The following GLMN variants were observed in gnomAD, a reference collection of about 807,000 sequenced individuals.
GLMN encodes glomulin.
In GLMN, 75 loss-of-function variants were observed where a neutral mutation model predicts 87.8. That is an observed-to-expected ratio of 0.85 (90% confidence interval 0.71 to 1.04). GLMN has a LOEUF of 1.04. Among genes scored for constraint, GLMN ranks in the 50% least tolerant of loss-of-function variants. The pLI is 0.00. For synonymous variants in GLMN, 206 were observed against 221.6 expected (o/e 0.93, Z 0.63); for missense variants, 588 against 658.8 (o/e 0.89, Z 1.18).
the GLMN span, among the ~76,000 whole-genome samples, chr1:92,353,291 C>T: frequency 6.6e-6 from 1 of 152,120 alleles, no homozygotes; most frequent in African/African-American, 2.4e-5. Context: ...GTGGTTGTAT[C>T]ATTTTACATT....
intron 2 of GLMN, 129 bp from the exon 3 acceptor site, chr1:92,297,658 T>C (rs1204983781): frequency 1.5e-5 from 12 of 817,594 alleles, no homozygotes; most frequent in Admixed American, 5.1e-5. Context: ...AAATGTAACG[T>C]AAATAACACA....
At chr1:92,307,039 G>T in the GLMN span, 8 of 591,462 alleles carry the variant, frequency 1.4e-5, no homozygotes, top group South Asian at 1.8e-4. Context: ...GGCCTTCAAA[G>T]GTTCAGTATC....
chr1:92,246,916 A>G (rs533659666), intron 18 of GLMN, 146 bp downstream of exon 18: 374 of 711,632 alleles, frequency 5.3e-4, no homozygotes, highest in Non-Finnish European at 8.0e-4. Flanking sequence ...CTGGCTAATC[A>G]GGAATCTGAG....
At chr1:92,305,747 G>A in the GLMN span, among the ~76,000 whole-genome samples, 2 of 152,254 alleles carry the variant, frequency 1.3e-5, no homozygotes, top group South Asian at 2.1e-4. Context: ...AATATTATCA[G>A]TAATCAGAGA....
rs909548615 is a variant in GLMN at position 92,271,547 on chromosome 1, G to A, written c.841C>T (p.Gln281Ter). Residue 281 changes from glutamine (Q) to a stop codon, truncating the protein, a stop_gained, in exon 8 of 19, where the codon CAG (glutamine) becomes TAG (stop). Transcript: ENST00000370360. LOFTEE classifies it high-confidence loss of function. ...AGAGAAGCCATTGAGTCTGCTAACT[G>A]TTTATTTTCTTCTTCTTCAAATTCA... Reference protein sequence around the residue: ...YLEFEEEENKQLADSMASLAY... With the variant: ...YLEFEEEENK 6.2e-7 allele frequency: 1 copy of A among 1,611,664 alleles called. No individual in the cohort carries two copies. The highest frequency in any genetic ancestry group is 1.7e-5 in the Admixed American group (1 of 59,952).
At chr1:92,266,096 A>G (rs1655604393) in intron 13 of GLMN, among the ~76,000 whole-genome samples, 1 of 152,230 alleles carries the variant, frequency 6.6e-6, no homozygotes, top group South Asian at 2.1e-4. Context: ...AATGGAGATT[A>G]GTGACATACA....
chr1:92,364,285 G>A, the GLMN span, among the ~76,000 whole-genome samples: 1 of 152,130 alleles, frequency 6.6e-6, no homozygotes, highest in African/African-American at 2.4e-5. Flanking sequence ...ATCTCAGGGT[G>A]TAGGTTTTGC....
intron 8 of GLMN, among the ~76,000 whole-genome samples, chr1:92,270,030 A>C (rs1249821564): frequency 2.0e-5 from 3 of 152,212 alleles, no homozygotes; most frequent in Admixed American, 2.0e-4. Flanking sequence ...GGAGACAGAC[A>C]CAAGCACACA....
chr1:92,368,046 G>A, the GLMN span, among the ~76,000 whole-genome samples: 1 of 152,144 alleles, frequency 6.6e-6, no homozygotes, highest in Non-Finnish European at 1.5e-5. Context: ...TCAGATTGTG[G>A]AGCTACAATA....
chr1:92,262,053 T>G (rs2391139), intron 16 of GLMN, among the ~76,000 whole-genome samples: 130,967 of 152,106 alleles, frequency 0.86, 56,836 homozygotes, highest in East Asian at 1. Context: ...TGAACGGGGG[T>G]TCAAATCACT....
At chr1:92,338,197 T>C in the GLMN span, among the ~76,000 whole-genome samples, 1 of 152,152 alleles carries the variant, frequency 6.6e-6, no homozygotes, top group Non-Finnish European at 1.5e-5. Flanking sequence ...GTTTAGGTAA[T>C]GATAAACTGA....
At chr1:92,294,123 C>G (rs1649756101) in intron 3 of GLMN, among the ~76,000 whole-genome samples, 1 of 152,026 alleles carries the variant, frequency 6.6e-6, no homozygotes, top group South Asian at 2.1e-4. Flanking sequence ...GTTTGTAACA[C>G]AGAGGATAAA....
chr1:92,347,514 A>G, the GLMN span, among the ~76,000 whole-genome samples: 29 of 152,210 alleles, frequency 1.9e-4, no homozygotes, highest in Admixed American at 6.5e-5. Flanking sequence ...TACTGAAAGT[A>G]TTATCATCAT....
chr1:92,283,401 C>CT (rs1179658619), intron 7 of GLMN, among the ~76,000 whole-genome samples: 2 of 152,138 alleles, frequency 1.3e-5, no homozygotes, highest in East Asian at 3.9e-4. Context: ...CAGAAAAGGC[C>CT]TTGGATAAAA....
At chr1:92,251,815 T>C (rs1653548183) in intron 16 of GLMN, among the ~76,000 whole-genome samples, 1 of 150,166 alleles carries the variant, frequency 6.7e-6, no homozygotes, top group African/African-American at 2.5e-5. Context: ...TTTTTTAAGA[T>C]GGTGTCTTCT....
the GLMN span, among the ~76,000 whole-genome samples, chr1:92,357,098 C>A: frequency 4.0e-5 from 6 of 150,014 alleles, no homozygotes; most frequent in Non-Finnish European, 8.9e-5. Context: ...ATTACATACA[C>A]ACACACACAC....
At chr1:92,269,590 T>C (rs549272105) in intron 9 of GLMN, 133 bp downstream of exon 9, 3 of 679,364 alleles carry the variant, frequency 4.4e-6, no homozygotes, top group African/African-American at 1.8e-5. Flanking sequence ...CGTGAATTAT[T>C]TGCCTCGCTG....
intron 7 of GLMN, among the ~76,000 whole-genome samples, chr1:92,273,540 G>A (rs1262481285): frequency 6.7e-6 from 1 of 149,096 alleles, no homozygotes; most frequent in Non-Finnish European, 1.5e-5. Context: ...GACTTCCCCA[G>A]GCTCAAGCAA....
chr1:92,330,439 ATTTTTT>A, the GLMN span, among the ~76,000 whole-genome samples: 3 of 61,450 alleles, frequency 4.9e-5, no homozygotes, highest in South Asian at 9.8e-4. Context: ...TGGGTTGTCA[ATTTTTT>A]TTTTTTTTTT....
Sources: allele counts gnomAD v4.1 joint callset (sites outside exome capture counted in the v4.1 genomes callset), GRCh38; gene constraint gnomAD v4.1.1; transcripts MANE v1.5; gene names NCBI Gene and HGNC (gene_info 2026-07-23, HGNC 2026-07-21).